Variants in INTS8 observed in about 807,000 individuals in gnomAD.
INTS8 encodes the protein protein kaonashi-1.
A neutral mutation model predicts 138.9 loss-of-function variants in INTS8; 47 were observed. That is an observed-to-expected ratio of 0.34 (90% confidence interval 0.27 to 0.43). The LOEUF is 0.43. Ranked by LOEUF, INTS8 falls within the 20% of genes least tolerant of loss-of-function variation. INTS8 has a pLI of 1.00. For synonymous variants in INTS8, 392 were observed against 400.9 expected (o/e 0.98, Z 0.27); for missense variants, 996 against 1,173.0 (o/e 0.85, Z 2.20).
intron 6 of INTS8, among the ~76,000 whole-genome samples, chr8:94,833,735 A>C (rs1814812545): frequency 6.6e-6 from 1 of 152,144 alleles, no homozygotes; most frequent in Admixed American, 6.6e-5. Context: ...TGTTTTTTGA[A>C]GGGCAAATTA....
At chr8:94,872,968 G>A (rs990563946) in intron 21 of INTS8, among the ~76,000 whole-genome samples, 3 of 152,122 alleles carry the variant, frequency 2.0e-5, no homozygotes, top group African/African-American at 4.8e-5. Context: ...CTTGTTTCAC[G>A]TGTTCCCTTT....
chr8:94,881,241 T>G lies in INTS8; in HGVS notation c.*1007T>G, dbSNP rs1291954197. The G allele has an allele frequency of 2.8e-6, 1 of 356,552 alleles. No individual in the cohort carries two copies. Among genetic ancestry groups the G allele is most frequent in the South Asian group, 1.5e-4 (1 of 6,874 alleles). The allele number at this position is 356,552 out of a possible 1,614,324, so 22.1% of individuals were successfully genotyped here. ...AATCTAACAACTAGATTCAAAGTAC[T>G]GTATCACTTAGTATACCCTTTAAGG... On this transcript the variant is annotated 3_prime_UTR_variant, in exon 27 of 27. Coordinates refer to ENST00000523731, the MANE Select transcript of INTS8 (RefSeq NM_017864.4).
At chr8:94,871,253 G>C (rs1816384847) in intron 20 of INTS8, among the ~76,000 whole-genome samples, 1 of 151,604 alleles carries the variant, frequency 6.6e-6, no homozygotes, top group South Asian at 2.1e-4. Flanking sequence ...GATTGGCTGA[G>C]GCCAGGAGTT....
At chr8:94,873,599 C>G (rs748384886) in intron 22 of INTS8, 122 bp downstream of exon 22, 4 of 683,146 alleles carry the variant, frequency 5.9e-6, no homozygotes, top group Non-Finnish European at 1.1e-5. Flanking sequence ...GTTCATGGCT[C>G]TAGAACACAT....
intron 18 of INTS8, 173 bp from the exon 19 acceptor site, chr8:94,866,967 C>G (rs1195781481): frequency 1.8e-6 from 1 of 562,350 alleles, no homozygotes; most frequent in East Asian, 3.0e-5. Flanking sequence ...GCCCCGCCCC[C>G]ACATGCGATT....
Position 94,866,203 on chromosome 8 carries a change from TA to T in INTS8, c.2295+17del. ...TCAAAAAATTACGAGTAAGTTTTATTAAAAATTGCTCTAATTACTATTGCTG... is the reference window on the plus strand; with the variant it reads ...TCAAAAAATTACGAGTAAGTTTTATTAAAATTGCTCTAATTACTATTGCTG... On this transcript the variant is annotated intron_variant, in intron 18 of 26. Transcript: ENST00000523731. 1 of 1,317,212 alleles carries T rather than the reference TA, an allele frequency of 7.6e-7. No homozygotes were observed. The highest frequency in any genetic ancestry group is 1.1e-6 in the Non-Finnish European group (1 of 927,198). The allele number at this position is 1,317,212 out of a possible 1,614,324, so 81.6% of individuals were successfully genotyped here.
chr8:94,846,070 T>A (rs983089029), intron 10 of INTS8, among the ~76,000 whole-genome samples: 11 of 152,160 alleles, frequency 7.2e-5, no homozygotes, highest in African/African-American at 2.7e-4. Flanking sequence ...GTCTTAAATT[T>A]TTAAATAGTT....
intron 15 of INTS8, among the ~76,000 whole-genome samples, chr8:94,858,196 A>G (rs1183953434): frequency 6.6e-6 from 1 of 152,236 alleles, no homozygotes; most frequent in Non-Finnish European, 1.5e-5. Context: ...TACACATTTA[A>G]TAGTATAAAC....
intron 14 of INTS8, among the ~76,000 whole-genome samples, chr8:94,855,188 C>T (rs926035107): frequency 2.6e-5 from 4 of 152,144 alleles, no homozygotes; most frequent in Non-Finnish European, 4.4e-5. Flanking sequence ...CTGCTCTAGA[C>T]CATCATTGTC....
intron 1 of INTS8, among the ~76,000 whole-genome samples, chr8:94,824,516 TTAAG>T (rs1023266817): frequency 2.0e-4 from 31 of 152,200 alleles, no homozygotes; most frequent in African/African-American, 7.2e-4. Context: ...GTCCCCCTAA[TTAAG>T]TGTCAAAATA....
chr8:94,848,950 A>G (rs1190220771), intron 10 of INTS8, among the ~76,000 whole-genome samples: 1 of 152,050 alleles, frequency 6.6e-6, no homozygotes, highest in Non-Finnish European at 1.5e-5. Flanking sequence ...TAATATGACC[A>G]TAACTAGTTT....
At chr8:94,831,697 G>C (rs753900199) in intron 5 of INTS8, among the ~76,000 whole-genome samples, 1 of 151,302 alleles carries the variant, frequency 6.6e-6, no homozygotes, top group Non-Finnish European at 1.5e-5. Flanking sequence ...GGTCAGGCTG[G>C]TCTCGAACTC....
Position 94,865,605 on chromosome 8 carries a change from A to G in INTS8, c.2176A>G (p.Ser726Gly). The G allele has an allele frequency of 7.4e-6, 12 of 1,614,120 alleles. No individual in the cohort carries two copies. The highest frequency in any genetic ancestry group is 1.0e-5 in the Non-Finnish European group (12 of 1,179,934). Reference sequence around the variant, plus strand: ...TTGGGAAGTTGTTGTTCAAATCTGTAGTGTGTCCAGTCAGCACAAACGAGG... The same window carrying G: ...TTGGGAAGTTGTTGTTCAAATCTGTGGTGTGTCCAGTCAGCACAAACGAGG... ...DLWEVVVQIC[S>G]VSSQHKRGND... Residue 726 changes from serine (S) to glycine (G), a missense_variant, in exon 17 of 27, where the codon AGT becomes GGT. Ser to Gly is a moderately conservative substitution (Grantham distance 56). Transcript: ENST00000523731.
intron 20 of INTS8, 82 bp from the exon 21 acceptor site, chr8:94,871,802 T>G: frequency 1.3e-6 from 1 of 785,186 alleles, no homozygotes; most frequent in Middle Eastern, 2.3e-4. Flanking sequence ...CTTGGCTGAG[T>G]TTTTGTTTTT....
At chr8:94,837,270 T>A (rs1814959311) in intron 7 of INTS8, among the ~76,000 whole-genome samples, 1 of 152,210 alleles carries the variant, frequency 6.6e-6, no homozygotes, top group African/African-American at 2.4e-5. Flanking sequence ...GTAAACATTT[T>A]TACTGTGTTT....
intron 26 of INTS8, among the ~76,000 whole-genome samples, chr8:94,877,873 G>C (rs1029715619): frequency 1.3e-5 from 2 of 152,052 alleles, no homozygotes; most frequent in African/African-American, 2.4e-5. Context: ...TTTTTTCCCA[G>C]TCATTCCCTT....
intron 12 of INTS8, among the ~76,000 whole-genome samples, chr8:94,850,408 A>G (rs997471955): frequency 6.6e-6 from 1 of 152,088 alleles, no homozygotes; most frequent in South Asian, 2.1e-4. Context: ...GTCAGCAGAT[A>G]GAGACCATCC....
At chr8:94,852,183 T>G (rs1304446374) in intron 13 of INTS8, among the ~76,000 whole-genome samples, 1 of 152,208 alleles carries the variant, frequency 6.6e-6, no homozygotes, top group Non-Finnish European at 1.5e-5. Context: ...CCACCAGTGA[T>G]CTACCCGCCT....
intron 10 of INTS8, among the ~76,000 whole-genome samples, chr8:94,845,495 T>C (rs1815299829): frequency 6.6e-6 from 1 of 152,070 alleles, no homozygotes; most frequent in African/African-American, 2.4e-5. Context: ...TTGTCCCTCA[T>C]TCTGTTGCCC....
Sources: gnomAD v4.1 joint callset for allele counts (sites outside exome capture counted in the v4.1 genomes callset) on GRCh38, gnomAD v4.1.1 for gene constraint, MANE v1.5 for transcripts, NCBI Gene and HGNC (gene_info 2026-07-23, HGNC 2026-07-21) for gene names.